CNTN3: variants seen among roughly 807,000 people sequenced by gnomAD.
CNTN3 encodes the protein contactin-3.
A neutral mutation model predicts 119.1 loss-of-function variants in CNTN3; 60 were observed. The ratio of observed to expected loss-of-function variants is 0.50; its 90% CI spans 0.41 to 0.62. CNTN3 has a LOEUF of 0.62. CNTN3 is among the 20% of genes least tolerant of loss of function. The pLI is 0.00. For missense variants in CNTN3, 1,101 were observed against 1,242.4 expected (o/e 0.89, Z 1.71); for synonymous variants, 450 against 438.7 (o/e 1.03, Z -0.32).
At position 74,285,410 on chromosome 3, in the gene CNTN3, G is replaced by A. The variant is rs146746763; in HGVS notation, c.2599C>T (p.Arg867Trp). Residue 867 changes from arginine to tryptophan, a missense_variant, in exon 20 of 23, where the codon CGG becomes TGG. Arg to Trp is a moderately radical substitution (Grantham distance 101). Coordinates refer to ENST00000263665, the MANE Select transcript of CNTN3 (RefSeq NM_020872.3). ...TAGGCCAGGTTGCTCTTCAGGCCCC[G>A]TAGTCTGGCTGATGTCTCATTTCCT... ...VAGNETSARL[R>W]GLKSNLAYYT... is the part of the protein sequence containing the mutation. 1.0e-4 allele frequency: 162 copies of A among 1,613,470 alleles called. No homozygotes were observed. In the African/African-American group the frequency reaches 1.6e-3, roughly 16 times the overall value.
chr3:74,561,871 C>G (rs1704159541), intron 1 of CNTN3, among the ~76,000 whole-genome samples: 1 of 152,130 alleles, frequency 6.6e-6, no homozygotes, highest in Admixed American at 6.6e-5. Context: ...AGGAATACCT[C>G]TTCATGCCAA....
intron 4 of CNTN3, among the ~76,000 whole-genome samples, chr3:74,462,413 T>C (rs1702386477): frequency 6.6e-6 from 1 of 152,102 alleles, no homozygotes; most frequent in South Asian, 2.1e-4. Context: ...CTCCCTAGTA[T>C]CCATAGGAAC....
chr3:74,334,699 C>G lies in CNTN3; in HGVS notation c.1668+36G>C, dbSNP rs753411502. Reference sequence around the variant, plus strand: ...AGAAGCAATGTGCCAGAGACACATGCAATATAAAAAGTATGAGGAAAGTGC... The same window carrying G: ...AGAAGCAATGTGCCAGAGACACATGGAATATAAAAAGTATGAGGAAAGTGC... On this transcript the variant is annotated intron_variant, in intron 13 of 22. Transcript: ENST00000263665. The G allele has an allele frequency of 7.0e-6, 11 of 1,568,746 alleles. No individual in the cohort carries two copies. In the African/African-American group the frequency reaches 1.2e-4, roughly 17 times the overall value.
intron 11 of CNTN3, among the ~76,000 whole-genome samples, chr3:74,347,476 A>C (rs1386656036): frequency 6.6e-6 from 1 of 152,196 alleles, no homozygotes; most frequent in Non-Finnish European, 1.5e-5. Flanking sequence ...CCTGGCCTCA[A>C]GTGATCCTCC....
chr3:74,264,852 C>T (rs1472577531), intron 22 of CNTN3, among the ~76,000 whole-genome samples: 1 of 152,120 alleles, frequency 6.6e-6, no homozygotes, highest in Non-Finnish European at 1.5e-5. Flanking sequence ...CCTGGAACCA[C>T]CACAAGTTGT....
At chr3:74,361,504 G>C (rs998411858) in intron 11 of CNTN3, among the ~76,000 whole-genome samples, 1 of 152,148 alleles carries the variant, frequency 6.6e-6, no homozygotes, top group Non-Finnish European at 1.5e-5. Context: ...TTTGAGTATA[G>C]GATAACAGCA....
chr3:74,390,878 TATTAAAGAC>T (rs1338884540), intron 5 of CNTN3, among the ~76,000 whole-genome samples: 2 of 152,154 alleles, frequency 1.3e-5, no homozygotes, highest in Admixed American at 6.5e-5. Context: ...GGCAAAAAGA[TATTAAAGAC>T]ATTAAAAAGG....
chr3:74,265,152 C>CAT (rs1195966179), intron 22 of CNTN3, among the ~76,000 whole-genome samples: 1 of 152,034 alleles, frequency 6.6e-6, no homozygotes, highest in Non-Finnish European at 1.5e-5. Flanking sequence ...AATTATTACA[C>CAT]ATAATATAAA....
chr3:74,359,838 T>TA (rs11386947), intron 11 of CNTN3, among the ~76,000 whole-genome samples: 77,540 of 151,954 alleles, frequency 0.51, 21,152 homozygotes, highest in African/African-American at 0.71. Flanking sequence ...TTGAATCAAT[T>TA]AAAAATTTTT....
intron 4 of CNTN3, among the ~76,000 whole-genome samples, chr3:74,447,971 A>T (rs1176368800): frequency 6.6e-6 from 1 of 152,172 alleles, no homozygotes; most frequent in Admixed American, 6.6e-5. Context: ...AAATTGGATG[A>T]TCCATGTAGA....
At chr3:74,352,409 A>G (rs905140202) in intron 11 of CNTN3, among the ~76,000 whole-genome samples, 17 of 152,214 alleles carry the variant, frequency 1.1e-4, no homozygotes, top group African/African-American at 4.1e-4. Context: ...TGGAATGTCC[A>G]GTGTGCTCAG....
chr3:74,309,643 G>A (rs866061934), intron 13 of CNTN3, among the ~76,000 whole-genome samples: 1 of 152,140 alleles, frequency 6.6e-6, no homozygotes, highest in Non-Finnish European at 1.5e-5. Flanking sequence ...TGATTCCAAT[G>A]AGCAGTTAGG....
intron 1 of CNTN3, among the ~76,000 whole-genome samples, chr3:74,594,493 T>C (rs1422995697): frequency 6.6e-6 from 1 of 151,686 alleles, no homozygotes; most frequent in South Asian, 2.1e-4. Flanking sequence ...CCTTCCTGTG[T>C]CCATATGTTC....
At chr3:74,539,588 G>GA (rs917821150) in intron 1 of CNTN3, among the ~76,000 whole-genome samples, 19 of 149,884 alleles carry the variant, frequency 1.3e-4, no homozygotes, top group East Asian at 5.9e-4. Flanking sequence ...CTTCTGGGAT[G>GA]AAAAAAAAAA....
chr3:74,354,108 G>C (rs1302478102), intron 11 of CNTN3, among the ~76,000 whole-genome samples: 2 of 151,886 alleles, frequency 1.3e-5, no homozygotes, highest in South Asian at 2.1e-4. Context: ...ATTAAGATTG[G>C]GTAATATCTT....
At chr3:74,361,209 C>T (rs1575659713) in intron 11 of CNTN3, among the ~76,000 whole-genome samples, 2 of 152,080 alleles carry the variant, frequency 1.3e-5, no homozygotes, top group East Asian at 3.9e-4. Flanking sequence ...AGGTGTTTAC[C>T]TAAGTGCTTT....
intron 19 of CNTN3, 98 bp downstream of exon 19, chr3:74,295,019 AAGAC>A (rs1313971936): frequency 2.8e-6 from 2 of 724,466 alleles, no homozygotes; most frequent in Non-Finnish European, 4.4e-6. Context: ...ATTTCGGCCA[AAGAC>A]AGACTTCAAA....
chr3:74,346,556 T>C (rs1703692912), intron 11 of CNTN3, among the ~76,000 whole-genome samples: 1 of 152,014 alleles, frequency 6.6e-6, no homozygotes, highest in Non-Finnish European at 1.5e-5. Context: ...TTGTTTGGAG[T>C]GAGGCAGTGA....
chr3:74,397,033 A>T (rs1180709149), intron 5 of CNTN3, among the ~76,000 whole-genome samples: 1 of 152,162 alleles, frequency 6.6e-6, no homozygotes, highest in Non-Finnish European at 1.5e-5. Flanking sequence ...ATAGCCAGAG[A>T]TGAGAAATCA....
Sources: gnomAD v4.1 joint callset for allele counts (sites outside exome capture counted in the v4.1 genomes callset) on GRCh38, gnomAD v4.1.1 for gene constraint, MANE v1.5 for transcripts, NCBI Gene and HGNC (gene_info 2026-07-23, HGNC 2026-07-21) for gene names.